Variants in PSG7 observed in about 807,000 individuals in gnomAD.
PSG7 encodes pregnancy specific beta-1-glycoprotein 7, also known as pregnancy-specific beta-1-glycoprotein 7.
In PSG7, 57 loss-of-function variants were observed where a neutral mutation model predicts 45.6. The observed-to-expected ratio is 1.25, with a 90% CI of 1.01 to 1.56. The LOEUF (loss-of-function observed/expected upper bound fraction) is 1.56. PSG7 is among the 40% of genes most tolerant of loss of function. PSG7 has a pLI of 0.00. For synonymous variants in PSG7, 298 were observed against 194.4 expected, an observed-to-expected ratio of 1.53 and a Z score of -4.43; for missense variants, 796 against 508.4, an observed-to-expected ratio of 1.57 and a Z score of -5.44.
intron 3 of PSG7, 165 bp from the exon 4 acceptor site, chr19:42,926,881 T>A: frequency 7.5e-7 from 1 of 1,326,846 alleles, no homozygotes. Context: ...ATCTAAGGGC[T>A]CAAAGACTGT....
At chr19:42,930,035 C>A (rs952513221) in intron 2 of PSG7, among the ~76,000 whole-genome samples, 1 of 151,708 alleles carries the variant, frequency 6.6e-6, no homozygotes, top group African/African-American at 2.4e-5. Context: ...CAACTGCCTG[C>A]CTGGCCCACC....
At chr19:42,931,089 T>C (rs1332612168) in intron 2 of PSG7, among the ~76,000 whole-genome samples, 1 of 151,544 alleles carries the variant, frequency 6.6e-6, no homozygotes, top group Non-Finnish European at 1.5e-5. Flanking sequence ...TTTGGGATGC[T>C]CAATTCGTAA....
chr19:42,924,745 C>T lies in PSG7; in HGVS notation c.*63G>A, dbSNP rs770143891. 3 of 767,802 alleles carry T rather than the reference C, an allele frequency of 3.9e-6. No homozygotes were observed. Among genetic ancestry groups the T allele is most frequent in the Non-Finnish European group, 7.2e-6 (3 of 417,490 alleles). 47.6% of individuals were successfully genotyped at this position (767,802 alleles called of 1,614,324 possible). A position where few individuals can be genotyped will look rare whatever the true frequency, so the allele number is the denominator to read the frequency against. The stretch of plus-strand genomic sequence containing the variant: ...ACTCTGACTTATAGGGCTTCTGGAA[C>T]AGAGTGGGTCTTGCTCTTTGAGGTT... On this transcript the variant is annotated 3_prime_UTR_variant, in exon 6 of 6. Transcript: ENST00000406070.
chr19:42,927,449 C>T (rs1230393745), intron 3 of PSG7: 1 of 152,086 alleles, frequency 6.6e-6, no homozygotes, highest in Non-Finnish European at 1.5e-5. Context: ...GTTCCCTGTC[C>T]TGGGTTCTTT....
Position 42,929,627 on chromosome 19 carries a change from T to C in PSG7, c.524A>G (p.Asp175Gly), listed in dbSNP as rs200906085. ...VILTCDPETP[D>G]ASYLWWMNGQ... ...ATTCATCCACCACAGGTAGCTTGCA[T>C]CTGGAGTCTCAGGATCACAGGTTAA... Residue 175 changes from aspartate to glycine, a missense_variant, in exon 3 of 6, where the codon GAT becomes GGT. Asp to Gly is a moderately conservative substitution (Grantham distance 94, BLOSUM62 -1). Coordinates refer to ENST00000406070, the MANE Select transcript of PSG7 (RefSeq NM_002783.3). The C allele has an allele frequency of 4.3e-6, 7 of 1,612,552 alleles. No individual in the cohort carries two copies. The highest frequency in any genetic ancestry group is 5.1e-6 in the Non-Finnish European group (6 of 1,179,228).
rs1278705562 is a variant in PSG7, at chr19:42,926,513, T to G, written c.913A>C (p.Thr305Pro). ...LILPSVTRNE[T>P]GPYQCEIRDR... Reference sequence around the variant, plus strand: ...CGTATTTCACATTGATAGGGTCCTGTTTCATTTCTCGTGACACTGGGTAGA... The same window carrying G: ...CGTATTTCACATTGATAGGGTCCTGGTTCATTTCTCGTGACACTGGGTAGA... The change falls in exon 4 of 6, where the codon ACA becomes CCA. Residue 305 changes from threonine to proline, a missense_variant. Coordinates refer to ENST00000406070, the MANE Select transcript of PSG7 (RefSeq NM_002783.3). 5 of 1,611,184 alleles carry G rather than the reference T, an allele frequency of 3.1e-6. No homozygotes were observed. The highest frequency in any genetic ancestry group is 1.7e-5 in the Admixed American group (1 of 59,834).
chr19:42,937,114 A>G lies in PSG7; in HGVS notation c.-38T>C. 6.2e-7 allele frequency: 1 copy of G among 1,601,946 alleles called. No homozygotes were observed. Among genetic ancestry groups the G allele is most frequent in the Non-Finnish European group, 8.5e-7 (1 of 1,172,196 alleles). On this transcript the variant is annotated 5_prime_UTR_variant, in exon 1 of 6. Transcript: ENST00000406070. ...CTGCGTGTTCTCCTCTGTGGAGATG[A>G]GCCTAGGATCCAGAATCTTCCTGAG...
chr19:42,936,689 C>T (rs535464757), intron 1 of PSG7, among the ~76,000 whole-genome samples: 9 of 151,200 alleles, frequency 6.0e-5, no homozygotes, highest in African/African-American at 2.2e-4. Context: ...ATACTGTCAC[C>T]CAGGCTGGCA....
rs145699667 is a variant in PSG7, at chr19:42,931,520, G to A, written c.431-1800C>T. 1.6e-3 allele frequency among the ~76,000 whole-genome samples: 237 copies of A among 151,752 alleles called. 6 individuals are homozygous for A. The highest frequency in any genetic ancestry group is 5.2e-3 in the African/African-American group (216 of 41,360). On this transcript the variant is annotated intron_variant, in intron 2 of 5. Transcript: ENST00000406070. Reference sequence around the variant, plus strand: ...ATTTCTGGGCAGAGTTAGGAAAAATGCGGAGGACCCCAAAACAGGTATGTG... The same window carrying A: ...ATTTCTGGGCAGAGTTAGGAAAAATACGGAGGACCCCAAAACAGGTATGTG...
Position 42,924,473 on chromosome 19 carries a change from A to T in PSG7, c.*335T>A. The T allele has an allele frequency of 1.8e-6, 1 of 553,700 alleles. No individual in the cohort carries two copies. The highest frequency in any genetic ancestry group is 3.2e-6 in the Non-Finnish European group (1 of 315,306). 34.3% of individuals were successfully genotyped at this position (553,700 alleles called of 1,614,324 possible). On this transcript the variant is annotated 3_prime_UTR_variant, in exon 6 of 6. Transcript: ENST00000406070. ...CTACATGTGAAATTCTAATGACTGC[A>T]TTATCCTGCCAAGTGAAAGAGGCAG... is the stretch of plus-strand genomic sequence containing the variant.
chr19:42,926,752 G>C, intron 3 of PSG7, 36 bp from the exon 4 acceptor site: 2 of 1,604,662 alleles, frequency 1.2e-6, no homozygotes, highest in Non-Finnish European at 1.7e-6. Context: ...GTCCTGTGTG[G>C]CACCTTTGAT....
chr19:42,936,770 C>T (rs1218114784), intron 1 of PSG7, among the ~76,000 whole-genome samples: 1 of 151,404 alleles, frequency 6.6e-6, no homozygotes, highest in African/African-American at 2.4e-5. Context: ...GCCTCAGCCT[C>T]CTGAGTAGCT....
At chr19:42,934,144 G>A (rs138503513) in intron 2 of PSG7, among the ~76,000 whole-genome samples, 7 of 151,570 alleles carry the variant, frequency 4.6e-5, no homozygotes, top group African/African-American at 1.5e-4. Context: ...ACAGTGACAT[G>A]GGAACTTTGG....
intron 3 of PSG7, 150 bp from the exon 4 acceptor site, chr19:42,926,866 T>G: frequency 2.1e-6 from 3 of 1,400,800 alleles, no homozygotes; most frequent in Non-Finnish European, 2.9e-6. Context: ...GGTAGATGCA[T>G]GATGATCTAA....
At position 42,929,634 on chromosome 19, in the gene PSG7, T is replaced by C. The variant is rs762825959; in HGVS notation, c.517A>G (p.Thr173Ala). 3.7e-6 allele frequency: 6 copies of C among 1,612,142 alleles called. No individual in the cohort carries two copies. The highest frequency in any genetic ancestry group is 2.7e-5 in the African/African-American group (2 of 74,534). ...CACCACAGGTAGCTTGCATCTGGAG[T>C]CTCAGGATCACAGGTTAAAATCACA... is the stretch of plus-strand genomic sequence containing the variant. ...EAVILTCDPE[T>A]PDASYLWWMN... The change falls in exon 3 of 6, where the codon ACT (threonine) becomes GCT (alanine). Residue 173 changes from threonine (T) to alanine (A), a missense_variant. Thr to Ala is a moderately conservative substitution (Grantham distance 58). Coordinates refer to ENST00000406070, the MANE Select transcript of PSG7 (RefSeq NM_002783.3).
chr19:42,932,428 A>G (rs1462133862), intron 2 of PSG7, among the ~76,000 whole-genome samples: 1 of 151,612 alleles, frequency 6.6e-6, no homozygotes, highest in Non-Finnish European at 1.5e-5. Context: ...ACAGAAAGCC[A>G]GAAGTCTCTA....
chr19:42,934,135 C>G (rs1448285734), intron 2 of PSG7, among the ~76,000 whole-genome samples: 11 of 151,440 alleles, frequency 7.3e-5, no homozygotes, highest in Admixed American at 2.0e-4. Context: ...CCTCTCATGA[C>G]AGTGACATGG....
At chr19:42,924,847 A>G (rs757985892) in intron 5 of PSG7, 23 bp from the exon 6 acceptor site, 23 of 762,774 alleles carry the variant, frequency 3.0e-5, no homozygotes, top group African/African-American at 5.1e-5. Context: ...ATAAAAACAC[A>G]GAAACAATGA....
chr19:42,933,893 T>C (rs1466044176), intron 2 of PSG7, among the ~76,000 whole-genome samples: 11 of 150,854 alleles, frequency 7.3e-5, no homozygotes, highest in Non-Finnish European at 1.2e-4. Context: ...GGGCAAGAGG[T>C]AGTGGGGTGA....
Sources: allele counts gnomAD v4.1 joint callset (sites outside exome capture counted in the v4.1 genomes callset), GRCh38; gene constraint gnomAD v4.1.1; transcripts MANE v1.5; gene names NCBI Gene and HGNC (gene_info 2026-07-23, HGNC 2026-07-21).